The following KCNQ5 variants were observed in gnomAD, a reference collection of about 807,000 sequenced individuals.
KCNQ5 encodes potassium voltage-gated channel subfamily KQT member 5.
A neutral mutation model predicts 98.2 loss-of-function variants in KCNQ5; 30 were observed. The ratio of observed to expected loss-of-function variants is 0.31; its 90% CI spans 0.23 to 0.41. KCNQ5 has a LOEUF of 0.41. KCNQ5 is among the 10% of genes least tolerant of loss of function. The pLI, the probability that KCNQ5 is intolerant of heterozygous loss-of-function variation, is 1.00. For synonymous variants in KCNQ5, 458 were observed against 449.4 expected (o/e 1.02, Z -0.24); for missense variants, 835 against 1,182.5 (o/e 0.71, Z 4.31).
chr6:72,881,970 C>T (rs902323016), intron 1 of KCNQ5, among the ~76,000 whole-genome samples: 4 of 152,154 alleles, frequency 2.6e-5, no homozygotes, highest in Admixed American at 6.5e-5. Flanking sequence ...GGATTACAAG[C>T]GTGAGCCACC....
intron 12 of KCNQ5, 77 bp downstream of exon 12, chr6:73,190,781 T>G (rs1765564792): frequency 1.1e-6 from 1 of 910,808 alleles, no homozygotes; most frequent in South Asian, 3.2e-5. Flanking sequence ...TTTAGTAGAG[T>G]AAACCTCTGA....
chr6:72,944,732 A>G (rs985272845), intron 1 of KCNQ5, among the ~76,000 whole-genome samples: 9 of 152,090 alleles, frequency 5.9e-5, no homozygotes, highest in African/African-American at 2.2e-4. Context: ...CCTGCCACCA[A>G]CCTGTGGCAG....
chr6:73,094,764 C>T (rs1326133018), intron 5 of KCNQ5, among the ~76,000 whole-genome samples: 1 of 152,116 alleles, frequency 6.6e-6, no homozygotes, highest in Non-Finnish European at 1.5e-5. Context: ...TACCTTCTAG[C>T]TTATAGGGTT....
intron 1 of KCNQ5, among the ~76,000 whole-genome samples, chr6:72,858,537 C>T (rs1302720774): frequency 6.6e-6 from 1 of 151,326 alleles, no homozygotes; most frequent in Non-Finnish European, 1.5e-5. Flanking sequence ...AAATAGTAAC[C>T]TTCGAAATGT....
intron 1 of KCNQ5, among the ~76,000 whole-genome samples, chr6:72,891,000 G>A (rs888256358): frequency 6.5e-4 from 99 of 152,202 alleles, no homozygotes; most frequent in African/African-American, 2.3e-3. Flanking sequence ...TGGAAGACTA[G>A]AGACAGACAA....
intron 11 of KCNQ5, among the ~76,000 whole-genome samples, chr6:73,188,595 A>G (rs1015285720): frequency 6.6e-6 from 1 of 152,144 alleles, no homozygotes; most frequent in Non-Finnish European, 1.5e-5. Flanking sequence ...AATATTTTTT[A>G]CTGTGTCAGA....
chr6:73,075,928 C>G (rs1391260826), intron 3 of KCNQ5, among the ~76,000 whole-genome samples: 1 of 152,150 alleles, frequency 6.6e-6, no homozygotes, highest in Non-Finnish European at 1.5e-5. Flanking sequence ...GCCTGTAGTC[C>G]TAGCTCCTTG....
intron 3 of KCNQ5, among the ~76,000 whole-genome samples, chr6:73,062,212 C>T (rs1481747171): frequency 2.0e-5 from 3 of 152,100 alleles, no homozygotes; most frequent in Admixed American, 6.6e-5. Context: ...TATGTTTCTC[C>T]CAGAAGGCTT....
chr6:72,683,405 T>C (rs1377640989), intron 1 of KCNQ5, among the ~76,000 whole-genome samples: 1 of 144,976 alleles, frequency 6.9e-6, no homozygotes, highest in Admixed American at 7.2e-5. Flanking sequence ...TCTCGCTCTG[T>C]CGCCCAGGCT....
At chr6:72,651,872 C>T (rs1765892766) in intron 1 of KCNQ5, among the ~76,000 whole-genome samples, 1 of 151,924 alleles carries the variant, frequency 6.6e-6, no homozygotes, top group African/African-American at 2.4e-5. Context: ...AAAAATTTCC[C>T]ATTAAATTTT....
rs75935138 is a variant in KCNQ5 at position 73,091,774 on chromosome 6, G to A, written c.919-13483G>A. The stretch of plus-strand genomic sequence containing the variant: ...GGTTGGGTTTTTTGTTGGTTTATTT[G>A]TTTGTTTGTTTTGGCTTAGTCCTTC... On this transcript the variant is annotated intron_variant, in intron 5 of 13. Transcript: ENST00000370398. Among the ~76,000 whole-genome samples the A allele has an allele frequency of 3.8e-3, 575 of 150,040 alleles. 1 individual carries two copies. The highest frequency in any genetic ancestry group is 0.013 in the African/African-American group (532 of 41,014).
At chr6:73,069,040 T>C (rs975611909) in intron 3 of KCNQ5, among the ~76,000 whole-genome samples, 18 of 152,342 alleles carry the variant, frequency 1.2e-4, no homozygotes, top group Admixed American at 2.6e-4. Flanking sequence ...TTTTAAACTT[T>C]GTCAGTTTGA....
Position 72,916,767 on chromosome 6 carries a change from A to G in KCNQ5, c.399-87141A>G, listed in dbSNP as rs181716960. 2.0e-5 allele frequency among the ~76,000 whole-genome samples: 3 copies of G among 152,250 alleles called. No homozygotes were observed. In the East Asian group the frequency reaches 5.8e-4, roughly 29 times the overall value. On this transcript the variant is annotated intron_variant, in intron 1 of 13. Coordinates refer to ENST00000370398, the MANE Select transcript of KCNQ5 (RefSeq NM_019842.4). ...AATATTTTATTTAATAATTGATTTT[A>G]TATACCCCCCCAAAAAAAGTTTACT...
chr6:72,635,143 C>T (rs1225798652), intron 1 of KCNQ5, among the ~76,000 whole-genome samples: 2 of 151,790 alleles, frequency 1.3e-5, no homozygotes, highest in Admixed American at 6.6e-5. Context: ...TCTCCCACCT[C>T]AGCCTCTTGA....
At chr6:73,016,118 C>A (rs1562128369) in intron 2 of KCNQ5, among the ~76,000 whole-genome samples, 1 of 151,514 alleles carries the variant, frequency 6.6e-6, no homozygotes, top group Admixed American at 6.6e-5. Context: ...TTAGATATTA[C>A]AAATAAAAGG....
chr6:72,640,770 C>T (rs2098926810), intron 1 of KCNQ5: 1 of 152,126 alleles, frequency 6.6e-6, no homozygotes, highest in East Asian at 1.9e-4. Context: ...AAGTAGCTTC[C>T]TCAGGATCAA....
At chr6:72,824,247 G>A (rs1293732216) in intron 1 of KCNQ5, among the ~76,000 whole-genome samples, 2 of 152,000 alleles carry the variant, frequency 1.3e-5, no homozygotes, top group Non-Finnish European at 2.9e-5. Context: ...AATATAAATG[G>A]TCTTCAGTTT....
chr6:72,624,534 G>C (rs1251326425), intron 1 of KCNQ5, among the ~76,000 whole-genome samples: 1 of 152,132 alleles, frequency 6.6e-6, no homozygotes, highest in Non-Finnish European at 1.5e-5. Context: ...CCATGTGTTG[G>C]TGTTAACAGG....
intron 1 of KCNQ5, among the ~76,000 whole-genome samples, chr6:72,778,428 C>T (rs1407931166): frequency 6.6e-6 from 1 of 151,738 alleles, no homozygotes; most frequent in Non-Finnish European, 1.5e-5. Flanking sequence ...GTTCCAGCTA[C>T]TCGGGAAGCT....
Sources: allele counts gnomAD v4.1 joint callset (sites outside exome capture counted in the v4.1 genomes callset), GRCh38; gene constraint gnomAD v4.1.1; transcripts MANE v1.5; gene names NCBI Gene and HGNC (gene_info 2026-07-23, HGNC 2026-07-21).